SEMA3D: variants seen among roughly 807,000 people sequenced by gnomAD.
SEMA3D encodes the protein semaphorin-3D.
A neutral mutation model predicts 100.1 loss-of-function variants in SEMA3D; 84 were observed. That is an observed-to-expected ratio of 0.84 (90% CI 0.70 to 1.01). The LOEUF (loss-of-function observed/expected upper bound fraction) is 1.01, where lower values mean the gene tolerates loss of function less well. Among genes scored for constraint, SEMA3D ranks in the 50% least tolerant of loss-of-function variants. SEMA3D has a pLI of 0.00. For synonymous variants in SEMA3D, 312 were observed against 320.7 expected, an observed-to-expected ratio of 0.97 and a Z score of 0.29; for missense variants, 875 against 934.1, an observed-to-expected ratio of 0.94 and a Z score of 0.82.
At chr7:85,091,617 T>A (rs999186940) in intron 4 of SEMA3D, among the ~76,000 whole-genome samples, 2 of 152,016 alleles carry the variant, frequency 1.3e-5, no homozygotes, top group African/African-American at 4.8e-5. Context: ...TAGGACTACT[T>A]AAGGCTGGCT....
chr7:85,190,405 GA>G (rs1272925055), upstream of SEMA3D, among the ~76,000 whole-genome samples: 4 of 152,052 alleles, frequency 2.6e-5, no homozygotes, highest in Non-Finnish European at 5.9e-5. Context: ...TGACTGATAA[GA>G]AATGTTGTTA....
At chr7:85,184,490 T>C (rs1166919378) in intron 1 of SEMA3D, among the ~76,000 whole-genome samples, 1 of 151,988 alleles carries the variant, frequency 6.6e-6, no homozygotes, top group African/African-American at 2.4e-5. Flanking sequence ...TTTATGTCTT[T>C]GTTTTTTTTT....
chr7:85,036,317 C>T (rs939818295), intron 12 of SEMA3D, among the ~76,000 whole-genome samples: 1 of 151,874 alleles, frequency 6.6e-6, no homozygotes, highest in Admixed American at 6.6e-5. Context: ...TTCTTACTTA[C>T]ATCATTTGTG....
intron 8 of SEMA3D, among the ~76,000 whole-genome samples, chr7:85,061,461 A>C (rs2116118808): frequency 6.6e-6 from 1 of 152,318 alleles, no homozygotes; most frequent in Non-Finnish European, 1.5e-5. Context: ...ATGGATTTAT[A>C]AAAGATTCAT....
At chr7:85,149,006 A>G (rs1790290856) in intron 2 of SEMA3D, among the ~76,000 whole-genome samples, 1 of 152,196 alleles carries the variant, frequency 6.6e-6, no homozygotes, top group Non-Finnish European at 1.5e-5. Context: ...ACAATAAAAT[A>G]AATGAACAGG....
rs192010869 is a variant in SEMA3D, at chr7:85,034,869, G to A, written c.1191+2020C>T. Among the ~76,000 whole-genome samples, 20 of 152,122 alleles carry A rather than the reference G, an allele frequency of 1.3e-4. No individual in the cohort carries two copies. The East Asian group carries it at 3.9e-3, about 29-fold the overall frequency. Reference sequence around the variant, plus strand: ...ATTGGAAGCCTTGCACACTGCTAGTGGTAATGCAAAATGGTACTGCCACTA... The same window carrying A: ...ATTGGAAGCCTTGCACACTGCTAGTAGTAATGCAAAATGGTACTGCCACTA... On this transcript the variant is annotated intron_variant, in intron 12 of 18. Transcript: ENST00000284136.
the SEMA3D span, among the ~76,000 whole-genome samples, chr7:85,221,474 T>C: frequency 2.6e-5 from 4 of 152,090 alleles, no homozygotes; most frequent in Admixed American, 6.6e-5. Flanking sequence ...TGTCAAACAC[T>C]GTGTTCCTGA....
the SEMA3D span, among the ~76,000 whole-genome samples, chr7:85,199,894 C>T: frequency 0.014 from 2,185 of 152,136 alleles, 45 homozygotes; most frequent in African/African-American, 0.05. Flanking sequence ...GAGGCAGGTG[C>T]GCTGTTCTCA....
intron 2 of SEMA3D, among the ~76,000 whole-genome samples, chr7:85,134,113 C>A (rs900254970): frequency 3.3e-5 from 5 of 151,974 alleles, no homozygotes; most frequent in African/African-American, 1.2e-4. Context: ...TTCCTCCGAA[C>A]TTCTAATTCA....
At chr7:85,149,641 C>G (rs1790310362) in intron 2 of SEMA3D, among the ~76,000 whole-genome samples, 1 of 152,014 alleles carries the variant, frequency 6.6e-6, no homozygotes, top group Non-Finnish European at 1.5e-5. Flanking sequence ...AATCAGAAAA[C>G]AATGACATTA....
chr7:85,084,048 G>T (rs538948775), intron 4 of SEMA3D, among the ~76,000 whole-genome samples: 74 of 151,300 alleles, frequency 4.9e-4, no homozygotes, highest in South Asian at 1.0e-3. Flanking sequence ...TTGGGAGGCT[G>T]AGGCAGGAGA....
chr7:85,046,658 T>C (rs1311684495), intron 9 of SEMA3D, among the ~76,000 whole-genome samples: 2 of 152,014 alleles, frequency 1.3e-5, no homozygotes, highest in Non-Finnish European at 2.9e-5. Flanking sequence ...GATGGCAAAG[T>C]TCAATTCACA....
At chr7:85,246,687 A>G in the SEMA3D span, among the ~76,000 whole-genome samples, 3 of 151,928 alleles carry the variant, frequency 2.0e-5, no homozygotes, top group African/African-American at 4.8e-5. Flanking sequence ...TGTTACCAGC[A>G]CTGAAAAAAA....
chr7:85,088,128 T>C (rs904092252), intron 4 of SEMA3D, among the ~76,000 whole-genome samples: 1 of 152,234 alleles, frequency 6.6e-6, no homozygotes, highest in Non-Finnish European at 1.5e-5. Flanking sequence ...TAGAAGGGAC[T>C]CATAAAATAT....
chr7:85,060,509 G>A (rs931700404), intron 8 of SEMA3D, among the ~76,000 whole-genome samples: 3 of 152,022 alleles, frequency 2.0e-5, no homozygotes, highest in Non-Finnish European at 4.4e-5. Flanking sequence ...CTTTATTATA[G>A]CACATTTTCT....
At chr7:85,173,326 G>C (rs1003109609) in intron 1 of SEMA3D, among the ~76,000 whole-genome samples, 1 of 152,056 alleles carries the variant, frequency 6.6e-6, no homozygotes, top group Non-Finnish European at 1.5e-5. Flanking sequence ...ACTACTTGCT[G>C]ATCAGCTTCT....
intron 1 of SEMA3D, among the ~76,000 whole-genome samples, chr7:85,166,419 A>T (rs185667431): frequency 2.0e-5 from 3 of 152,158 alleles, no homozygotes; most frequent in Admixed American, 6.6e-5. Context: ...GATGGAAAGG[A>T]GGCAAGTTTT....
chr7:85,246,389 A>G, the SEMA3D span, among the ~76,000 whole-genome samples: 3 of 152,100 alleles, frequency 2.0e-5, no homozygotes, highest in Admixed American at 6.5e-5. Flanking sequence ...AAGTTGTAAG[A>G]GGCCCTCAAT....
chr7:85,152,992 G>A (rs1243002801), intron 2 of SEMA3D, among the ~76,000 whole-genome samples: 1 of 152,128 alleles, frequency 6.6e-6, no homozygotes, highest in Non-Finnish European at 1.5e-5. Flanking sequence ...ACTATTTGCA[G>A]ATGATTCCTA....
Sources: gnomAD v4.1 joint callset for allele counts (sites outside exome capture counted in the v4.1 genomes callset) on GRCh38, gnomAD v4.1.1 for gene constraint, MANE v1.5 for transcripts, NCBI Gene and HGNC (gene_info 2026-07-23, HGNC 2026-07-21) for gene names.